IPCEF1: variants seen among roughly 807,000 people sequenced by gnomAD.
The protein encoded by IPCEF1 is interaction protein for cytohesin exchange factors 1.
A neutral mutation model predicts 50.9 loss-of-function variants in IPCEF1; 31 were observed. The observed-to-expected ratio is 0.61, with a 90% CI of 0.46 to 0.82. The LOEUF (loss-of-function observed/expected upper bound fraction) is 0.82, where lower values mean the gene tolerates loss of function less well. Ranked by LOEUF, IPCEF1 falls within the 40% of genes least tolerant of loss-of-function variation. The pLI, the probability that IPCEF1 is intolerant of heterozygous loss-of-function variation, is 0.00. For synonymous variants in IPCEF1, 181 were observed against 192.0 expected (o/e 0.94, Z 0.47); for missense variants, 458 against 514.0 (o/e 0.89, Z 1.05).
At chr6:154,338,444 T>G (rs190721860) in intron 1 of IPCEF1, among the ~76,000 whole-genome samples, 172 of 152,318 alleles carry the variant, frequency 1.1e-3, no homozygotes, top group African/African-American at 4.0e-3. Flanking sequence ...ACTGCTAGAC[T>G]CTTTATGCTG....
intron 10 of IPCEF1, among the ~76,000 whole-genome samples, chr6:154,183,038 G>T (rs1801033714): frequency 1.3e-5 from 2 of 151,604 alleles, no homozygotes; most frequent in South Asian, 4.2e-4. Flanking sequence ...GGAGTGCAGT[G>T]GTGTGATCTC....
At chr6:154,245,871 A>G (rs2128641892) in intron 5 of IPCEF1, among the ~76,000 whole-genome samples, 1 of 152,352 alleles carries the variant, frequency 6.6e-6, no homozygotes, top group South Asian at 2.1e-4. Flanking sequence ...AGATCAGCAC[A>G]CTTTCTAAGA....
chr6:154,176,804 A>G (rs1800372535), intron 10 of IPCEF1, among the ~76,000 whole-genome samples: 1 of 152,146 alleles, frequency 6.6e-6, no homozygotes, highest in South Asian at 2.1e-4. Flanking sequence ...AATTGGAAAA[A>G]ACTACTTTAA....
At chr6:154,337,327 A>G (rs567689006) in intron 1 of IPCEF1, among the ~76,000 whole-genome samples, 1 of 152,244 alleles carries the variant, frequency 6.6e-6, no homozygotes, top group African/African-American at 2.4e-5. Flanking sequence ...TTCTTTAGAT[A>G]TAGACACTGA....
chr6:154,168,009 C>T lies in IPCEF1; in HGVS notation c.1015G>A (p.Glu339Lys). The change falls in exon 11 of 12, where the codon GAG becomes AAG. Residue 339 changes from glutamate to lysine, a missense_variant. Physicochemically the swap from Glu to Lys is moderately conservative, Grantham distance 56. Transcript: ENST00000367220. This position sits in a 1 kb window ranked among gnomAD's most constrained non-coding sequence, Gnocchi z 4.1. The stretch of plus-strand genomic sequence containing the variant: ...CGCTTAACAAAGGATTTTCTCAACT[C>T]CTTTTTAGTCGAAGGTCGTCGGTCC... ...LGDRRPSTKKELRKSFVKRCK... is the reference protein window; with the variant it reads ...LGDRRPSTKKKLRKSFVKRCK... 6.2e-7 allele frequency: 1 copy of T among 1,612,140 alleles called. No individual in the cohort carries two copies. The highest frequency in any genetic ancestry group is 8.5e-7 in the Non-Finnish European group (1 of 1,178,506).
At position 154,159,554 on chromosome 6, in the gene IPCEF1, T is replaced by C. The variant is rs991339911; in HGVS notation, c.*274A>G. ...GAAGAGACATTTCTCACATCCCCCC[T>C]AGAGCCCCACATCACCGTGAGCTCC... is the stretch of plus-strand genomic sequence containing the variant. On this transcript the variant is annotated 3_prime_UTR_variant, in exon 12 of 12. Coordinates refer to ENST00000367220, the MANE Select transcript of IPCEF1 (RefSeq NM_001130700.2). The C allele has an allele frequency of 2.2e-6, 1 of 456,936 alleles. No homozygotes were observed. The highest frequency in any genetic ancestry group is 2.0e-5 in the African/African-American group (1 of 48,842). The allele number at this position is 456,936 out of a possible 1,614,324, so 28.3% of individuals were successfully genotyped here. A position where few individuals can be genotyped will look rare whatever the true frequency, so the allele number is the denominator to read the frequency against.
chr6:154,192,573 C>T (rs761055738), intron 10 of IPCEF1, among the ~76,000 whole-genome samples: 1 of 151,958 alleles, frequency 6.6e-6, no homozygotes, highest in Non-Finnish European at 1.5e-5. Flanking sequence ...AGTAAACAAG[C>T]AACCCAGAGA....
intron 1 of IPCEF1, among the ~76,000 whole-genome samples, chr6:154,305,866 C>T (rs142301426): frequency 1.3e-5 from 2 of 152,270 alleles, no homozygotes; most frequent in Non-Finnish European, 2.9e-5. Context: ...GCTCTTGGAC[C>T]TTTGGACTTA....
chr6:154,345,479 A>G (rs913853981), intron 1 of IPCEF1, among the ~76,000 whole-genome samples: 2 of 152,210 alleles, frequency 1.3e-5, no homozygotes, highest in Non-Finnish European at 2.9e-5. Context: ...AAGCACCAAT[A>G]TAAGATCGCA....
intron 1 of IPCEF1, among the ~76,000 whole-genome samples, chr6:154,353,645 A>G (rs1019516034): frequency 1.3e-5 from 2 of 152,188 alleles, no homozygotes; most frequent in Admixed American, 6.5e-5. Flanking sequence ...TAGTTCAGGT[A>G]TGTTCCACTA....
intron 10 of IPCEF1, among the ~76,000 whole-genome samples, chr6:154,190,156 C>T (rs1337691305): frequency 6.6e-6 from 1 of 151,980 alleles, no homozygotes; most frequent in East Asian, 1.9e-4. Context: ...AAGACTGTCA[C>T]CAACATCACA....
intron 10 of IPCEF1, among the ~76,000 whole-genome samples, chr6:154,176,082 T>C (rs1033959530): frequency 6.6e-6 from 1 of 152,196 alleles, no homozygotes; most frequent in Non-Finnish European, 1.5e-5. Flanking sequence ...CACATGATTA[T>C]GTCAATAGAT....
At chr6:154,193,808 C>T (rs1384607678) in intron 10 of IPCEF1, among the ~76,000 whole-genome samples, 1 of 152,164 alleles carries the variant, frequency 6.6e-6, no homozygotes, top group Admixed American at 6.5e-5. Context: ...TAGAAATGAC[C>T]CCAGCATCAA....
rs1429135400 is a variant in IPCEF1 at position 154,203,969 on chromosome 6, G to A, written c.538-3929C>T. ...TACAATGCAAATAGCCTGACAAAAT[G>A]TTCTCATAACCTCAGATAAAAGTAT... On this transcript the variant is annotated intron_variant, in intron 9 of 11. Coordinates refer to ENST00000367220, the MANE Select transcript of IPCEF1 (RefSeq NM_001130700.2). Among the ~76,000 whole-genome samples, 6 of 152,120 alleles carry A rather than the reference G, an allele frequency of 3.9e-5. No homozygotes were observed. The East Asian group carries it at 9.6e-4, about 24-fold the overall frequency.
intron 1 of IPCEF1, among the ~76,000 whole-genome samples, chr6:154,323,905 G>T: frequency 6.6e-6 from 1 of 152,120 alleles, no homozygotes; most frequent in Non-Finnish European, 1.5e-5. Flanking sequence ...GTGAGCCAAG[G>T]TCGTGCCATT....
At chr6:154,247,573 G>C (rs1367619273) in intron 3 of IPCEF1, 85 bp from the exon 4 acceptor site, 4 of 1,135,150 alleles carry the variant, frequency 3.5e-6, no homozygotes, top group Non-Finnish European at 5.3e-6. Flanking sequence ...GGAGGTGGCA[G>C]TGTTTATGAG....
intron 7 of IPCEF1, among the ~76,000 whole-genome samples, chr6:154,220,386 G>T (rs536826118): frequency 2.0e-5 from 3 of 152,186 alleles, no homozygotes; most frequent in Non-Finnish European, 4.4e-5. Context: ...GACCAGGTGC[G>T]GTGGCTTACG....
At chr6:154,231,904 T>A (rs1169347408) in intron 5 of IPCEF1, among the ~76,000 whole-genome samples, 2 of 152,234 alleles carry the variant, frequency 1.3e-5, no homozygotes, top group African/African-American at 2.4e-5. Context: ...CCTAATTGAA[T>A]GTAAACATGG....
chr6:154,190,609 T>C (rs1299994942), intron 10 of IPCEF1, among the ~76,000 whole-genome samples: 1 of 152,200 alleles, frequency 6.6e-6, no homozygotes, highest in Admixed American at 6.5e-5. Context: ...GCATCTCTTA[T>C]ACAGTTAAAC....
Sources: allele counts gnomAD v4.1 joint callset (sites outside exome capture counted in the v4.1 genomes callset), GRCh38; gene constraint gnomAD v4.1.1; non-coding constraint Gnocchi (gnomAD v3.1); transcripts MANE v1.5; gene names NCBI Gene and HGNC (gene_info 2026-07-23, HGNC 2026-07-21).